SMOC1: variants seen among roughly 807,000 people sequenced by gnomAD.
The protein encoded by SMOC1 is SPARC-related modular calcium-binding protein 1.
SMOC1 carries 22 observed loss-of-function variants against 56.3 expected under a neutral mutation model. The ratio of observed to expected loss-of-function variants is 0.39; its 90% CI spans 0.28 to 0.56. The LOEUF (loss-of-function observed/expected upper bound fraction) is 0.56. SMOC1 is among the 20% of genes least tolerant of loss of function. The pLI is 0.61. For synonymous variants in SMOC1, 193 were observed against 215.0 expected (o/e 0.90, Z 0.89); for missense variants, 509 against 565.4 (o/e 0.90, Z 1.01).
chr14:69,953,452 G>T lies in SMOC1; in HGVS notation c.298G>T (p.Ala100Ser). Residue 100 changes from alanine to serine, a missense_variant, in exon 3 of 12, where the codon GCT becomes TCT. Physicochemically the swap from Ala to Ser is moderately conservative, Grantham distance 99. Coordinates refer to ENST00000361956, the MANE Select transcript of SMOC1 (RefSeq NM_001034852.3). ...AGQSKCRLERAQALEQAKKPQ... is the reference protein window; with the variant it reads ...AGQSKCRLERSQALEQAKKPQ... ...CCAGAGCAAGTGTCGCCTGGAGCGGGCTCAAGCCCTGGAGCAAGCCAAGAA... is the reference window on the plus strand; with the variant it reads ...CCAGAGCAAGTGTCGCCTGGAGCGGTCTCAAGCCCTGGAGCAAGCCAAGAA... The T allele has an allele frequency of 1.2e-6, 2 of 1,614,232 alleles. No individual in the cohort carries two copies. The highest frequency in any genetic ancestry group is 2.2e-5 in the East Asian group (1 of 44,880).
intron 1 of SMOC1, among the ~76,000 whole-genome samples, chr14:69,930,737 C>T (rs568415210): frequency 8.5e-5 from 13 of 152,270 alleles, no homozygotes; most frequent in South Asian, 6.2e-4. Context: ...CTTCTGAAGC[C>T]GGCTTCCCAG....
chr14:70,002,223 A>T (rs80340535), intron 7 of SMOC1, among the ~76,000 whole-genome samples: 1,812 of 152,206 alleles, frequency 0.012, 38 homozygotes, highest in African/African-American at 0.04. Flanking sequence ...GTTACAATTG[A>T]GGGATGATGT....
chr14:70,008,257 G>A (rs1885213036), intron 7 of SMOC1, among the ~76,000 whole-genome samples: 1 of 152,000 alleles, frequency 6.6e-6, no homozygotes, highest in Non-Finnish European at 1.5e-5. Context: ...AGCCTCCTGG[G>A]TAACTGGGAC....
intron 1 of SMOC1, among the ~76,000 whole-genome samples, chr14:69,940,066 C>T (rs1463271646): frequency 6.6e-6 from 1 of 152,232 alleles, no homozygotes; most frequent in Non-Finnish European, 1.5e-5. Flanking sequence ...ATGCCACTTT[C>T]AGCTTCTGCA....
chr14:69,885,315 G>A (rs564948098), intron 1 of SMOC1: 1 of 844,180 alleles, frequency 1.2e-6, no homozygotes, highest in East Asian at 2.9e-5. Context: ...TTATTTTTAT[G>A]TACAGAAAAC....
At chr14:70,008,735 C>G (rs1885229871) in intron 7 of SMOC1, among the ~76,000 whole-genome samples, 1 of 152,178 alleles carries the variant, frequency 6.6e-6, no homozygotes, top group Non-Finnish European at 1.5e-5. Context: ...AATCCTCTGT[C>G]AGAGGTTGTT....
chr14:69,995,203 G>T (rs1594845214), intron 7 of SMOC1, among the ~76,000 whole-genome samples: 2 of 152,102 alleles, frequency 1.3e-5, no homozygotes, highest in East Asian at 3.9e-4. Context: ...TTTCCTTATA[G>T]GTGGCAAGAC....
intron 1 of SMOC1, among the ~76,000 whole-genome samples, chr14:69,946,972 C>T (rs991451727): frequency 2.7e-4 from 41 of 152,296 alleles, no homozygotes; most frequent in South Asian, 1.0e-3. Context: ...TGAGTAAAAG[C>T]TCCCTGAGGC....
chr14:69,987,561 G>T (rs867785810), intron 5 of SMOC1, among the ~76,000 whole-genome samples: 1 of 152,182 alleles, frequency 6.6e-6, no homozygotes, highest in Admixed American at 6.5e-5. Context: ...GAAAGGCCTG[G>T]CCCTGCGTCC....
At chr14:69,937,809 G>T (rs1201852474) in intron 1 of SMOC1, among the ~76,000 whole-genome samples, 9 of 152,186 alleles carry the variant, frequency 5.9e-5, no homozygotes, top group Non-Finnish European at 1.2e-4. Context: ...TGTGTTTGGT[G>T]ATCTGAAGCC....
chr14:69,897,155 C>T (rs1265663885), intron 1 of SMOC1, among the ~76,000 whole-genome samples: 5 of 152,156 alleles, frequency 3.3e-5, no homozygotes, highest in African/African-American at 1.2e-4. Flanking sequence ...CTCCTCTCAA[C>T]CCACATGAGC....
chr14:69,917,791 G>A (rs919185960), intron 1 of SMOC1, among the ~76,000 whole-genome samples: 16 of 152,110 alleles, frequency 1.1e-4, no homozygotes, highest in Non-Finnish European at 2.1e-4. Context: ...GTGATCTTTG[G>A]TGTCTTTCCA....
chr14:69,932,020 C>T (rs1397955283), intron 1 of SMOC1, among the ~76,000 whole-genome samples: 1 of 152,238 alleles, frequency 6.6e-6, no homozygotes, highest in African/African-American at 2.4e-5. Flanking sequence ...ATGGAGCATC[C>T]GCCTGTTCTG....
chr14:70,015,711 C>T (rs888192637), intron 10 of SMOC1, among the ~76,000 whole-genome samples: 12 of 151,912 alleles, frequency 7.9e-5, no homozygotes, highest in African/African-American at 2.7e-4. Flanking sequence ...CTGCTGGAGG[C>T]GGCCTGTGGC....
intron 6 of SMOC1, 111 bp from the exon 7 acceptor site, chr14:69,994,289 G>A (rs1445863138): frequency 3.7e-5 from 32 of 859,850 alleles, no homozygotes; most frequent in Middle Eastern, 2.2e-4. Flanking sequence ...GAGAGCTGAA[G>A]CCTCAATGCC....
intron 1 of SMOC1, among the ~76,000 whole-genome samples, chr14:69,889,540 G>A (rs1883904507): frequency 6.6e-6 from 1 of 152,138 alleles, no homozygotes; most frequent in Admixed American, 6.5e-5. Flanking sequence ...GGCCTCTTAG[G>A]TCCTCTGTTC....
chr14:69,879,479 C>T lies in SMOC1; in HGVS notation c.-200C>T, dbSNP rs1195475019. On this transcript the variant is annotated 5_prime_UTR_variant, in exon 1 of 12. In the 5' UTR this introduces an upstream ATG that the reference lacks. Transcript: ENST00000361956. ...GAGCTAGCGCCGCGCGCAGAGCACACGCTCGCGCTCCAGCTCCCCTCCTGC... is the reference window on the plus strand; with the variant it reads ...GAGCTAGCGCCGCGCGCAGAGCACATGCTCGCGCTCCAGCTCCCCTCCTGC... 7 of 417,604 alleles carry T rather than the reference C, an allele frequency of 1.7e-5. No homozygotes were observed. Among genetic ancestry groups the T allele is most frequent in the Admixed American group, 9.2e-5 (2 of 21,740 alleles). 25.9% of individuals were successfully genotyped at this position (417,604 alleles called of 1,614,324 possible). A position where few individuals can be genotyped will look rare whatever the true frequency, so the allele number is the denominator to read the frequency against.
At chr14:69,913,284 C>T (rs1884602043) in intron 1 of SMOC1, among the ~76,000 whole-genome samples, 1 of 152,134 alleles carries the variant, frequency 6.6e-6, no homozygotes, top group Non-Finnish European at 1.5e-5. Flanking sequence ...CACTGATATC[C>T]AGTGTTCTAT....
chr14:69,979,764 G>T (rs1460833007), intron 5 of SMOC1, among the ~76,000 whole-genome samples: 1 of 152,056 alleles, frequency 6.6e-6, no homozygotes, highest in Non-Finnish European at 1.5e-5. Flanking sequence ...TTTTAGTTTT[G>T]CCTGTTGCAA....
Sources: gnomAD v4.1 joint callset for allele counts (sites outside exome capture counted in the v4.1 genomes callset) on GRCh38, gnomAD v4.1.1 for gene constraint, MANE v1.5 for transcripts, NCBI Gene and HGNC (gene_info 2026-07-23, HGNC 2026-07-21) for gene names.